Variants in XYLT1 observed in about 807,000 individuals in gnomAD.
XYLT1 encodes the protein beta-D-xylosyltransferase 1.
XYLT1 carries 36 observed loss-of-function variants against 91.3 expected under a neutral mutation model. The ratio of observed to expected loss-of-function variants is 0.39; its 90% CI spans 0.30 to 0.52. XYLT1 has a LOEUF of 0.52. Among genes scored for constraint, XYLT1 ranks in the 20% least tolerant of loss-of-function variants. The pLI is 0.68. For missense variants in XYLT1, 1,242 were observed against 1,284.5 expected (o/e 0.97, Z 0.51); for synonymous variants, 588 against 532.0 (o/e 1.11, Z -1.45).
intron 2 of XYLT1, among the ~76,000 whole-genome samples, chr16:17,280,053 T>C (rs2034034097): frequency 6.6e-6 from 1 of 152,162 alleles, no homozygotes. Flanking sequence ...GTCAGGGATA[T>C]CTAAAAAGCT....
At chr16:17,352,180 A>G (rs2035231883) in intron 2 of XYLT1, among the ~76,000 whole-genome samples, 2 of 152,224 alleles carry the variant, frequency 1.3e-5, no homozygotes, top group Non-Finnish European at 2.9e-5. Flanking sequence ...TTGGCGGTCA[A>G]AATTGACCTA....
intron 3 of XYLT1, among the ~76,000 whole-genome samples, chr16:17,222,449 C>T (rs1485514125): frequency 3.3e-5 from 5 of 152,186 alleles, no homozygotes; most frequent in African/African-American, 1.2e-4. Context: ...TGAGAAACTG[C>T]TTGAAACCCG....
intron 5 of XYLT1, among the ~76,000 whole-genome samples, chr16:17,170,188 T>C (rs919438712): frequency 1.3e-5 from 2 of 152,232 alleles, no homozygotes; most frequent in African/African-American, 2.4e-5. Flanking sequence ...GAAGTTTCTA[T>C]ATTCTTCGCT....
intron 1 of XYLT1, among the ~76,000 whole-genome samples, chr16:17,440,776 C>T (rs763225049): frequency 5.3e-5 from 8 of 152,192 alleles, no homozygotes; most frequent in Non-Finnish European, 1.0e-4. Flanking sequence ...CTCTCTGCTA[C>T]GATCTATAAT....
At chr16:17,126,491 C>A (rs973789586) in intron 10 of XYLT1, among the ~76,000 whole-genome samples, 1 of 152,170 alleles carries the variant, frequency 6.6e-6, no homozygotes, top group Admixed American at 6.5e-5. Flanking sequence ...AGTGGCTTAA[C>A]AAGAAACTCT....
intron 5 of XYLT1, among the ~76,000 whole-genome samples, chr16:17,187,113 C>T (rs889555583): frequency 6.6e-6 from 1 of 151,858 alleles, no homozygotes; most frequent in Non-Finnish European, 1.5e-5. Context: ...AGAATCAGTC[C>T]AGGTGTGGTG....
chr16:17,446,091 A>T (rs1259915186), intron 1 of XYLT1: 2 of 152,186 alleles, frequency 1.3e-5, no homozygotes, highest in Non-Finnish European at 2.9e-5. Context: ...CTTGAAAATG[A>T]GAGAGCAAGA....
intron 3 of XYLT1, among the ~76,000 whole-genome samples, chr16:17,201,347 C>T (rs955025050): frequency 2.6e-5 from 4 of 152,114 alleles, no homozygotes; most frequent in Admixed American, 2.0e-4. Context: ...TTAGGCCTGG[C>T]CAATGGGAAT....
At chr16:17,388,825 T>C (rs2035781013) in intron 1 of XYLT1, among the ~76,000 whole-genome samples, 1 of 152,226 alleles carries the variant, frequency 6.6e-6, no homozygotes, top group South Asian at 2.1e-4. Flanking sequence ...CAGCCTTTTC[T>C]CAGGAGGGGC....
intron 1 of XYLT1, among the ~76,000 whole-genome samples, chr16:17,365,371 C>T (rs964818484): frequency 1.3e-5 from 2 of 152,082 alleles, no homozygotes; most frequent in Non-Finnish European, 1.5e-5. Flanking sequence ...GCAGGGCAGG[C>T]GGCATGGGGT....
At chr16:17,337,768 ATTTTTT>A (rs1346102441) in intron 2 of XYLT1, among the ~76,000 whole-genome samples, 2 of 102,552 alleles carry the variant, frequency 2.0e-5, no homozygotes, top group Non-Finnish European at 4.0e-5. Flanking sequence ...TCTGTTCCAC[ATTTTTT>A]CTTTTTCTTT....
At position 17,344,034 on chromosome 16, in the gene XYLT1, C is replaced by T. The variant is rs971354742; in HGVS notation, c.402+13978G>A. Among the ~76,000 whole-genome samples, 7 of 152,170 alleles carry T rather than the reference C, an allele frequency of 4.6e-5. No individual in the cohort carries two copies. The East Asian group carries it at 7.7e-4, about 17-fold the overall frequency. On this transcript the variant is annotated intron_variant, in intron 2 of 11. Transcript: ENST00000261381. ...TCTGCTACCCATACTTGGTTAGGAC[C>T]GTGGTTTTCAGCTCAGGGGTGCTTT... is the stretch of plus-strand genomic sequence containing the variant.
At chr16:17,288,488 G>A (rs1050252911) in intron 2 of XYLT1, among the ~76,000 whole-genome samples, 32 of 152,086 alleles carry the variant, frequency 2.1e-4, no homozygotes, top group African/African-American at 7.2e-4. Flanking sequence ...ATTGTAGACC[G>A]ACTGTACTGA....
chr16:17,282,695 C>CT (rs1381389777), intron 2 of XYLT1, among the ~76,000 whole-genome samples: 2 of 152,186 alleles, frequency 1.3e-5, no homozygotes, highest in Non-Finnish European at 2.9e-5. Context: ...CTCCCAGGGG[C>CT]TGCAAGACCT....
At chr16:17,379,763 T>TCTTTCTCACACACACACACACACACA (rs373354877) in intron 1 of XYLT1, among the ~76,000 whole-genome samples, 5 of 125,546 alleles carry the variant, frequency 4.0e-5, no homozygotes, top group African/African-American at 1.6e-4. Context: ...TCTCTCTCTC[T>TCTTTCTCACACACACACACACACACA]CACACACACA....
chr16:17,208,592 G>C (rs577509838), intron 3 of XYLT1, among the ~76,000 whole-genome samples: 3 of 152,230 alleles, frequency 2.0e-5, no homozygotes, highest in East Asian at 3.9e-4. Context: ...ATTAATCAAA[G>C]TTGCATTAAG....
intron 2 of XYLT1, among the ~76,000 whole-genome samples, chr16:17,287,972 T>A (rs2034166635): frequency 6.6e-6 from 1 of 151,278 alleles, no homozygotes. Flanking sequence ...TCTGGCTCTG[T>A]TGGCCAGCTG....
chr16:17,344,516 C>G (rs528410200), intron 2 of XYLT1, among the ~76,000 whole-genome samples: 2 of 149,986 alleles, frequency 1.3e-5, no homozygotes, highest in Admixed American at 1.3e-4. Flanking sequence ...AAAGAATAAT[C>G]CTGTCCCAAA....
In XYLT1 at chr16:17,448,297, G is replaced by A. The variant is rs183665638; in HGVS notation, c.363+22137C>T. Among the ~76,000 whole-genome samples the A allele has an allele frequency of 2.4e-3, 369 of 152,282 alleles. 5 individuals carry two copies. The highest frequency in any genetic ancestry group is 4.5e-3 in the Non-Finnish European group (308 of 68,022). The stretch of plus-strand genomic sequence containing the variant: ...GCAGAATTGCTTGAACCCGGGAGGC[G>A]GAGGTTGCAGTGAGCCGAGATTGCG... On this transcript the variant is annotated intron_variant, in intron 1 of 11. Transcript: ENST00000261381.
Sources: gnomAD v4.1 joint callset for allele counts (sites outside exome capture counted in the v4.1 genomes callset) on GRCh38, gnomAD v4.1.1 for gene constraint, MANE v1.5 for transcripts, NCBI Gene and HGNC (gene_info 2026-07-23, HGNC 2026-07-21) for gene names.